The following ZNF546 variants were observed in gnomAD, a reference collection of about 807,000 sequenced individuals.
ZNF546 encodes zinc finger protein 546.
A neutral mutation model predicts 76.2 loss-of-function variants in ZNF546; 60 were observed. The observed-to-expected ratio is 0.79, with a 90% CI of 0.64 to 0.98. ZNF546 has a LOEUF of 0.98. ZNF546 is among the 50% of genes least tolerant of loss of function. The pLI is 0.00. For missense variants in ZNF546, 936 were observed against 1,035.6 expected (o/e 0.90, Z 1.32); for synonymous variants, 277 against 328.1 (o/e 0.84, Z 1.68).
chr19:40,016,023 T>C lies in ZNF546; in HGVS notation c.*242T>C. The C allele has an allele frequency of 1.9e-6, 1 of 515,544 alleles. No individual in the cohort carries two copies. Among genetic ancestry groups the C allele is most frequent in the East Asian group, 3.5e-5 (1 of 28,894 alleles). 31.9% of individuals were successfully genotyped at this position (515,544 alleles called of 1,614,324 possible). On this transcript the variant is annotated 3_prime_UTR_variant, in exon 7 of 7. Coordinates refer to ENST00000347077, the MANE Select transcript of ZNF546 (RefSeq NM_178544.5). Reference sequence around the variant, plus strand: ...CAAGGGCCTTTTCCCCTACAAACTGTTGTTGAACAGTGCTTCTCTAAAATG... The same window carrying C: ...CAAGGGCCTTTTCCCCTACAAACTGCTGTTGAACAGTGCTTCTCTAAAATG...
At position 40,014,186 on chromosome 19, in the gene ZNF546, T is replaced by C. The variant is rs1490172988; in HGVS notation, c.916T>C (p.Cys306Arg). ...TGTGAAACCCTACGAGTGTAAGGAATGTGGGAAAGCCTTTAGTCGTGTTAG... is the reference window on the plus strand; with the variant it reads ...TGTGAAACCCTACGAGTGTAAGGAACGTGGGAAAGCCTTTAGTCGTGTTAG... ...SGVKPYECKE[C>R]GKAFSRVRDL... The change falls in exon 7 of 7, where the codon TGT (cysteine) becomes CGT (arginine). Residue 306 changes from cysteine (C) to arginine (R), a missense_variant. Transcript: ENST00000347077. 6.2e-7 allele frequency: 1 copy of C among 1,613,776 alleles called. No individual in the cohort carries two copies. Among genetic ancestry groups the C allele is most frequent in the Non-Finnish European group, 8.5e-7 (1 of 1,179,824 alleles).
At position 40,015,852 on chromosome 19, in the gene ZNF546, T is replaced by C; in HGVS notation, c.*71T>C. 1 of 1,404,268 alleles carries C rather than the reference T, an allele frequency of 7.1e-7. No homozygotes were observed. The highest frequency in any genetic ancestry group is 1.7e-5 in the Admixed American group (1 of 57,748). 87.0% of individuals were successfully genotyped at this position (1,404,268 alleles called of 1,614,324 possible). ...GTAATTTAAGAAATTTTCTGTTTGT[T>C]ACGGAACATGTGGGAATCCCTTTTA... On this transcript the variant is annotated 3_prime_UTR_variant, in exon 7 of 7. Transcript: ENST00000347077.
chr19:40,006,363 G>A (rs954322282), intron 4 of ZNF546, among the ~76,000 whole-genome samples, 181 bp downstream of exon 4: 1 of 152,112 alleles, frequency 6.6e-6, no homozygotes, highest in Admixed American at 6.5e-5. Context: ...ATTTGCTCCT[G>A]TTTTCTCTTA....
intron 3 of ZNF546, among the ~76,000 whole-genome samples, chr19:40,003,637 C>G (rs774869841): frequency 4.6e-5 from 7 of 152,054 alleles, no homozygotes; most frequent in Non-Finnish European, 7.4e-5. Flanking sequence ...AATATATTAG[C>G]ATACATGGAC....
At chr19:40,004,369 G>A (rs1473122815) in intron 3 of ZNF546, among the ~76,000 whole-genome samples, 1 of 151,940 alleles carries the variant, frequency 6.6e-6, no homozygotes, top group East Asian at 1.9e-4. Flanking sequence ...CTGGGTTCAA[G>A]TGATTCTCCT....
intron 6 of ZNF546, 71 bp downstream of exon 6, chr19:40,008,636 A>C: frequency 8.1e-7 from 1 of 1,236,102 alleles, no homozygotes; most frequent in Non-Finnish European, 1.2e-6. Context: ...GAGGAGGCAC[A>C]GCACTGAGTT....
chr19:40,014,638 TACTC>T lies in ZNF546; in HGVS notation c.1369_1372del (p.Thr457GlyfsTer31). On this transcript the variant is annotated frameshift_variant, in exon 7 of 7. Transcript: ENST00000347077. LOFTEE classifies it high-confidence loss of function. ...AAGCCTTTCGTCTTCAAACGGAACT[TACTC>T]GGCATCATAGAACTCATACTGGTGA... is the stretch of plus-strand genomic sequence containing the variant. 6.2e-7 allele frequency: 1 copy of T among 1,613,380 alleles called. No individual in the cohort carries two copies. Among genetic ancestry groups the T allele is most frequent in the Non-Finnish European group, 8.5e-7 (1 of 1,179,674 alleles).
intron 6 of ZNF546, among the ~76,000 whole-genome samples, chr19:40,012,238 G>A (rs760791680): frequency 6.6e-6 from 1 of 152,180 alleles, no homozygotes; most frequent in Non-Finnish European, 1.5e-5. Flanking sequence ...TTTTGGAGAT[G>A]CCTAATGTTC....
intron 3 of ZNF546, chr19:39,999,963 A>G (rs1971506710): frequency 1.3e-5 from 2 of 152,190 alleles, no homozygotes; most frequent in Admixed American, 1.3e-4. Flanking sequence ...TTCCTGCAGA[A>G]TAGAAATTGC....
At chr19:40,001,803 G>GA (rs558049860) in intron 3 of ZNF546, among the ~76,000 whole-genome samples, 114 of 152,078 alleles carry the variant, frequency 7.5e-4, no homozygotes, top group Non-Finnish European at 1.5e-3. Flanking sequence ...AACTTTACTA[G>GA]AAAAAATGAA....
rs1158543066 is a variant in ZNF546, at chr19:40,017,131, G to T, written c.*1350G>T. 2 of 152,088 alleles carry T rather than the reference G, an allele frequency of 1.3e-5. No homozygotes were observed. The highest frequency in any genetic ancestry group is 4.8e-5 in the African/African-American group (2 of 41,400). 9.4% of individuals were successfully genotyped at this position (152,088 alleles called of 1,614,324 possible). ...ATTTAGATTGGAATAATTAACTGGA[G>T]ATAATATCCAGTAAAATAGATTAAA... On this transcript the variant is annotated 3_prime_UTR_variant, in exon 7 of 7. Transcript: ENST00000347077.
chr19:40,015,252 G>A lies in ZNF546; in HGVS notation c.1982G>A (p.Gly661Asp). 6.2e-7 allele frequency: 1 copy of A among 1,614,080 alleles called. No individual in the cohort carries two copies. The highest frequency in any genetic ancestry group is 8.5e-7 in the Non-Finnish European group (1 of 1,179,994). The change falls in exon 7 of 7, where the codon GGT (glycine) becomes GAT (aspartate). Residue 661 changes from glycine to aspartate, a missense_variant. Transcript: ENST00000347077. Reference protein sequence around the residue: ...HLTQHHRIHTGEKPYECTECG... With the variant: ...HLTQHHRIHTDEKPYECTECG... ...ACGCAACATCACAGAATTCATACTGGTGAGAAACCCTACGAATGTACGGAA... is the reference window on the plus strand; with the variant it reads ...ACGCAACATCACAGAATTCATACTGATGAGAAACCCTACGAATGTACGGAA...
intron 6 of ZNF546, 94 bp from the exon 7 acceptor site, chr19:40,013,571 C>A: frequency 1.0e-6 from 1 of 995,728 alleles, no homozygotes; most frequent in Non-Finnish European, 1.4e-6. Context: ...TTTATTTCTA[C>A]TATGAGGTAC....
intron 2 of ZNF546, 110 bp downstream of exon 2, chr19:39,998,025 G>A: frequency 2.5e-6 from 1 of 394,398 alleles, no homozygotes. Context: ...GCTATGTCAA[G>A]CACAGCCACA....
chr19:40,001,628 C>T (rs1971531463), intron 3 of ZNF546, among the ~76,000 whole-genome samples: 1 of 151,960 alleles, frequency 6.6e-6, no homozygotes, highest in Non-Finnish European at 1.5e-5. Flanking sequence ...TCCCAAAGTG[C>T]TGGGATTACA....
chr19:40,014,850 G>C lies in ZNF546; in HGVS notation c.1580G>C (p.Cys527Ser). ...CATACTGGTGAGAAACCCTACATAT[G>C]TAACGAATGTGGAAAAGCCTTTCGT... ...RIHTGEKPYI[C>S]NECGKAFRLQ... is the part of the protein sequence containing the mutation. The change falls in exon 7 of 7, where the codon TGT becomes TCT. Residue 527 changes from cysteine to serine, a missense_variant. By Grantham distance (112) the Cys-to-Ser change is moderately radical. Coordinates refer to ENST00000347077, the MANE Select transcript of ZNF546 (RefSeq NM_178544.5). The C allele has an allele frequency of 6.2e-7, 1 of 1,613,794 alleles. No individual in the cohort carries two copies. Among genetic ancestry groups the C allele is most frequent in the Non-Finnish European group, 8.5e-7 (1 of 1,179,936 alleles).
chr19:40,006,263 C>T (rs1404395735), intron 4 of ZNF546, 81 bp downstream of exon 4: 4 of 1,277,416 alleles, frequency 3.1e-6, no homozygotes, highest in Non-Finnish European at 4.5e-6. Context: ...TTGAGACTTC[C>T]TTCCTAAGAC....
rs1227172006 is a variant in ZNF546, at chr19:40,007,383, G to A, written c.281G>A (p.Ser94Asn). The A allele has an allele frequency of 1.9e-6, 3 of 1,600,610 alleles. No homozygotes were observed. Among genetic ancestry groups the A allele is most frequent in the Non-Finnish European group, 2.6e-6 (3 of 1,173,054 alleles). The change falls in exon 5 of 7, where the codon AGC (serine) becomes AAC (asparagine). Residue 94 changes from serine (S) to asparagine (N), a missense_variant. By Grantham distance (46) the Ser-to-Asn change is conservative. Coordinates refer to ENST00000347077, the MANE Select transcript of ZNF546 (RefSeq NM_178544.5). The stretch of plus-strand genomic sequence containing the variant: ...AAGGATGTGATGTTGGAGAACTACA[G>A]CAACCTGGTCTCACTGGGTAAGGTA... The part of the protein sequence containing the change: ...LYKDVMLENY[S>N]NLVSLGYTIP...
At chr19:40,010,637 T>G (rs1467358966) in intron 6 of ZNF546, among the ~76,000 whole-genome samples, 1 of 152,130 alleles carries the variant, frequency 6.6e-6, no homozygotes, top group African/African-American at 2.4e-5. Flanking sequence ...CCATATATCT[T>G]CTTTGGTGAA....
Sources: allele counts gnomAD v4.1 joint callset (sites outside exome capture counted in the v4.1 genomes callset), GRCh38; gene constraint gnomAD v4.1.1; transcripts MANE v1.5; gene names NCBI Gene and HGNC (gene_info 2026-07-23, HGNC 2026-07-21).